The following TSPAN9 variants were observed in gnomAD, a reference collection of about 807,000 sequenced individuals.
TSPAN9 encodes tetraspanin-9.
In TSPAN9, 16 loss-of-function variants were observed where a neutral mutation model predicts 31.0. That is an observed-to-expected ratio of 0.52 (90% confidence interval 0.35 to 0.78). TSPAN9 has a LOEUF of 0.78. Among genes scored for constraint, TSPAN9 ranks in the 30% least tolerant of loss-of-function variants. TSPAN9 has a pLI of 0.01. For synonymous variants in TSPAN9, 145 were observed against 121.6 expected (o/e 1.19, Z -1.27); for missense variants, 272 against 312.5 (o/e 0.87, Z 0.98).
chr12:3,095,638 C>CT (rs1282764019), intron 2 of TSPAN9, among the ~76,000 whole-genome samples: 1 of 142,836 alleles, frequency 7.0e-6, no homozygotes, highest in Non-Finnish European at 1.5e-5. Flanking sequence ...GCTGACCCCC[C>CT]CCACCTCCCT....
intron 3 of TSPAN9, among the ~76,000 whole-genome samples, chr12:3,217,285 C>T (rs540000436): frequency 6.6e-6 from 1 of 152,164 alleles, no homozygotes; most frequent in Non-Finnish European, 1.5e-5. Flanking sequence ...GGCAATGTCC[C>T]CTGAGTTGGC....
chr12:3,105,518 A>G (rs182176808), intron 2 of TSPAN9, among the ~76,000 whole-genome samples: 1 of 151,502 alleles, frequency 6.6e-6, no homozygotes, highest in African/African-American at 2.4e-5. Context: ...CCAGGAGCCT[A>G]GGCCTCTGTG....
chr12:3,211,035 G>C (rs924304301), intron 3 of TSPAN9, among the ~76,000 whole-genome samples: 10 of 152,266 alleles, frequency 6.6e-5, no homozygotes, highest in African/African-American at 2.4e-4. Context: ...CGTGAGCCAC[G>C]GCGCCCTGCT....
intron 3 of TSPAN9, among the ~76,000 whole-genome samples, chr12:3,277,516 A>G (rs11609935): frequency 0.073 from 11,165 of 152,306 alleles, 564 homozygotes; most frequent in Non-Finnish European, 0.098. Context: ...GGCATGGCAC[A>G]CTGCATGCTG....
chr12:3,243,987 A>G (rs2098397999), intron 3 of TSPAN9, among the ~76,000 whole-genome samples: 1 of 152,200 alleles, frequency 6.6e-6, no homozygotes, highest in African/African-American at 2.4e-5. Context: ...GCAGTCAGTC[A>G]TAAGTTCTCT....
intron 1 of TSPAN9, among the ~76,000 whole-genome samples, chr12:3,081,656 T>C (rs946336877): frequency 4.6e-5 from 7 of 152,008 alleles, no homozygotes; most frequent in Non-Finnish European, 1.0e-4. Context: ...AAACAGTGTA[T>C]GTGTCACATG....
At chr12:3,134,847 G>A (rs2153967251) in intron 2 of TSPAN9, among the ~76,000 whole-genome samples, 1 of 152,304 alleles carries the variant, frequency 6.6e-6, no homozygotes, top group Admixed American at 6.5e-5. Context: ...GGATGAGGGT[G>A]ATGGCGTGCA....
intron 2 of TSPAN9, chr12:3,200,870 T>G: frequency 9.6e-5 from 26 of 271,968 alleles, no homozygotes; most frequent in East Asian, 4.1e-4. Context: ...CTCCGTCCCA[T>G]TCTGGGAGCG....
In TSPAN9 at chr12:3,170,350, C is replaced by T. The variant is rs1211337023; in HGVS notation, c.-17-30827C>T. Among the ~76,000 whole-genome samples, 2 of 152,280 alleles carry T rather than the reference C, an allele frequency of 1.3e-5. No homozygotes were observed. Among genetic ancestry groups the T allele is most frequent in the East Asian group, 1.9e-4 (1 of 5,178 alleles). ...TTTATACCTATAGCCCAAACTCCTG[C>T]GTTGGACACACCAATCTACGGCTAG... On this transcript the variant is annotated intron_variant, in intron 2 of 8. Coordinates refer to ENST00000011898, the MANE Select transcript of TSPAN9 (RefSeq NM_006675.5). This position sits in a 1 kb window ranked among gnomAD's most constrained non-coding sequence, Gnocchi z 4.4.
At chr12:3,226,770 ATATATATATATATATATATATATAT>A (rs1565622547) in intron 3 of TSPAN9, among the ~76,000 whole-genome samples, 222 of 1,948 alleles carry the variant, frequency 0.11, 27 homozygotes, top group African/African-American at 0.2. Context: ...ATATATATAT[ATATATATATATATATATATATATAT>A]TTTTTTTTTT....
intron 5 of TSPAN9, 62 bp downstream of exon 5, chr12:3,279,128 C>G: frequency 6.7e-7 from 1 of 1,491,418 alleles, no homozygotes; most frequent in South Asian, 1.1e-5. Flanking sequence ...TTGGGCCAAG[C>G]AGGCCAGGGT....
At chr12:3,166,481 A>G (rs766946402) in intron 2 of TSPAN9, among the ~76,000 whole-genome samples, 26 of 152,260 alleles carry the variant, frequency 1.7e-4, no homozygotes, top group Non-Finnish European at 3.2e-4. Flanking sequence ...AGTATTATAC[A>G]TATAGATGAT....
chr12:3,162,989 G>A (rs2098346231), intron 2 of TSPAN9, among the ~76,000 whole-genome samples: 1 of 152,222 alleles, frequency 6.6e-6, no homozygotes, highest in Admixed American at 6.5e-5. Context: ...GGAGAGTCTT[G>A]CCAGTCATTG....
chr12:3,105,219 G>C (rs997638491), intron 2 of TSPAN9, among the ~76,000 whole-genome samples: 3 of 152,174 alleles, frequency 2.0e-5, no homozygotes, highest in East Asian at 1.9e-4. Flanking sequence ...TCAGTGCCCC[G>C]AGGCAGGCAG....
chr12:3,249,252 G>T (rs934440866), intron 3 of TSPAN9, among the ~76,000 whole-genome samples: 1 of 152,076 alleles, frequency 6.6e-6, no homozygotes, highest in African/African-American at 2.4e-5. Flanking sequence ...CAGGCACCCC[G>T]CGGGTGGTCA....
chr12:3,198,413 A>AC (rs201239827), intron 2 of TSPAN9, among the ~76,000 whole-genome samples: 12 of 45,966 alleles, frequency 2.6e-4, no homozygotes, highest in South Asian at 8.0e-4. Context: ...AGCACAGGTC[A>AC]CACCAGCACA....
At chr12:3,091,809 G>A (rs182564914) in intron 2 of TSPAN9, among the ~76,000 whole-genome samples, 11 of 152,322 alleles carry the variant, frequency 7.2e-5, no homozygotes, top group Non-Finnish European at 1.2e-4. Context: ...CCACAACTCC[G>A]CCTCTGGCCT....
chr12:3,247,315 C>T (rs1338535837), intron 3 of TSPAN9, among the ~76,000 whole-genome samples: 2 of 111,588 alleles, frequency 1.8e-5, no homozygotes, highest in African/African-American at 6.1e-5. Context: ...CCCCCCCCGC[C>T]ACCCGCGTCC....
At chr12:3,103,444 A>G (rs938038611) in intron 2 of TSPAN9, among the ~76,000 whole-genome samples, 12 of 152,216 alleles carry the variant, frequency 7.9e-5, no homozygotes, top group Non-Finnish European at 1.5e-5. Flanking sequence ...TCTGGTGTGC[A>G]GGCAGGCTCT....
Sources: allele counts gnomAD v4.1 joint callset (sites outside exome capture counted in the v4.1 genomes callset), GRCh38; gene constraint gnomAD v4.1.1; non-coding constraint Gnocchi (gnomAD v3.1); transcripts MANE v1.5; gene names NCBI Gene and HGNC (gene_info 2026-07-23, HGNC 2026-07-21).